Variants in SAMD12 observed in about 807,000 individuals in gnomAD.
The protein encoded by SAMD12 is sterile alpha motif domain-containing protein 12.
In SAMD12, 9 loss-of-function variants were observed where a neutral mutation model predicts 15.0. The observed-to-expected ratio is 0.60, with a 90% CI of 0.36 to 1.05. The LOEUF is 1.05. Among genes scored for constraint, SAMD12 ranks in the 50% least tolerant of loss-of-function variants. SAMD12 has a pLI of 0.01. For synonymous variants in SAMD12, 86 were observed against 90.1 expected (o/e 0.96, Z 0.25); for missense variants, 230 against 234.2 (o/e 0.98, Z 0.12).
At chr8:118,447,516 G>A (rs1298243193) in intron 2 of SAMD12, among the ~76,000 whole-genome samples, 1 of 151,802 alleles carries the variant, frequency 6.6e-6, no homozygotes, top group Non-Finnish European at 1.5e-5. Flanking sequence ...TGTTGGCCAG[G>A]TTGGTCTCGA....
At chr8:118,135,862 T>C in the SAMD12 span, among the ~76,000 whole-genome samples, 1 of 152,050 alleles carries the variant, frequency 6.6e-6, no homozygotes, top group African/African-American at 2.4e-5. Context: ...AAATATTCTT[T>C]AGCTCTGCTT....
intron 4 of SAMD12, among the ~76,000 whole-genome samples, chr8:118,297,876 C>T (rs574965576): frequency 1.5e-4 from 23 of 152,014 alleles, no homozygotes; most frequent in African/African-American, 4.6e-4. Flanking sequence ...AATACAGAAA[C>T]AGAACAAGTC....
intron 4 of SAMD12, among the ~76,000 whole-genome samples, chr8:118,249,609 C>G (rs1812774964): frequency 6.6e-6 from 1 of 152,100 alleles, no homozygotes; most frequent in Non-Finnish European, 1.5e-5. Flanking sequence ...TTTATATACC[C>G]TATACAATAG....
At chr8:118,200,714 C>A (rs1819691353) in intron 4 of SAMD12, among the ~76,000 whole-genome samples, 3 of 152,206 alleles carry the variant, frequency 2.0e-5, no homozygotes, top group Non-Finnish European at 4.4e-5. Context: ...GAATGGGTCA[C>A]CATGCTGAGA....
rs541807688 is a variant in SAMD12 at position 118,588,832 on chromosome 8, C to G, written c.14-7939G>C. Among the ~76,000 whole-genome samples the G allele has an allele frequency of 2.0e-5, 3 of 152,284 alleles. No homozygotes were observed. The South Asian group carries it at 6.2e-4, about 32-fold the overall frequency. ...TTATTCTGTACTTCCCCACTCCCAG[C>G]TAATTTAAATGAGCTAAATTATGCT... On this transcript the variant is annotated intron_variant, in intron 1 of 3. Coordinates refer to ENST00000314727, the MANE Select transcript of SAMD12 (RefSeq NM_207506.3).
chr8:118,453,631 C>T (rs139864726), intron 2 of SAMD12, among the ~76,000 whole-genome samples: 44 of 152,200 alleles, frequency 2.9e-4, no homozygotes, highest in Middle Eastern at 3.4e-3. Flanking sequence ...AATGGTCCTC[C>T]TATCTCAGCC....
At chr8:118,347,651 T>C (rs1469791214) in intron 4 of SAMD12, among the ~76,000 whole-genome samples, 2 of 152,224 alleles carry the variant, frequency 1.3e-5, no homozygotes, top group African/African-American at 4.8e-5. Context: ...GACTATAATA[T>C]TTTTTAAAAA....
At chr8:118,589,007 A>G (rs1827516811) in intron 1 of SAMD12, among the ~76,000 whole-genome samples, 2 of 152,238 alleles carry the variant, frequency 1.3e-5, no homozygotes, top group Non-Finnish European at 2.9e-5. Flanking sequence ...GGGGTAAAAT[A>G]TAAATGTCCA....
intron 2 of SAMD12, among the ~76,000 whole-genome samples, chr8:118,461,774 A>G (rs903162293): frequency 1.3e-5 from 2 of 152,190 alleles, no homozygotes; most frequent in Admixed American, 1.3e-4. Context: ...TTGAGTTTTC[A>G]CCTAAGAAAT....
At chr8:118,528,378 C>G (rs894149241) in intron 2 of SAMD12, among the ~76,000 whole-genome samples, 1 of 152,074 alleles carries the variant, frequency 6.6e-6, no homozygotes, top group Non-Finnish European at 1.5e-5. Flanking sequence ...AAGCTGTCTT[C>G]GTTTATAGTC....
the SAMD12 span, among the ~76,000 whole-genome samples, chr8:118,147,869 C>G: frequency 6.6e-6 from 1 of 151,844 alleles, no homozygotes; most frequent in East Asian, 1.9e-4. Context: ...TCCGACTTAG[C>G]CTCCTAAGTA....
At chr8:118,439,706 T>G in intron 3 of SAMD12, 126 bp downstream of exon 3, 2 of 838,608 alleles carry the variant, frequency 2.4e-6, no homozygotes, top group Non-Finnish European at 3.9e-6. Flanking sequence ...TATCACCCCT[T>G]TGGAAGTAAA....
chr8:118,352,007 T>C (rs776059605), intron 4 of SAMD12, among the ~76,000 whole-genome samples: 2 of 152,210 alleles, frequency 1.3e-5, no homozygotes, highest in Admixed American at 6.5e-5. Flanking sequence ...TGAAGCCACC[T>C]TGAGTTGATT....
At chr8:118,428,968 T>C (rs948780917) in intron 3 of SAMD12, among the ~76,000 whole-genome samples, 3 of 152,230 alleles carry the variant, frequency 2.0e-5, no homozygotes, top group African/African-American at 7.2e-5. Context: ...GTGTTCATTT[T>C]ATTTTAAAAA....
intron 2 of SAMD12, among the ~76,000 whole-genome samples, chr8:118,478,260 T>C (rs1323550698): frequency 2.0e-5 from 3 of 152,210 alleles, no homozygotes; most frequent in African/African-American, 4.8e-5. Context: ...AATATTTTCT[T>C]CCATCAGAGT....
intron 4 of SAMD12, among the ~76,000 whole-genome samples, chr8:118,245,382 T>C (rs1012730670): frequency 2.6e-5 from 4 of 152,030 alleles, no homozygotes; most frequent in Non-Finnish European, 1.5e-5. Context: ...CTACCGGTAA[T>C]ATAGTCTGGA....
Position 118,372,618 on chromosome 8 carries a change from T to C in SAMD12, c.433+6942A>G, listed in dbSNP as rs116671859. Among the ~76,000 whole-genome samples, 1,326 of 152,212 alleles carry C rather than the reference T, an allele frequency of 8.7e-3. 21 individuals carry two copies. The highest frequency in any genetic ancestry group is 0.031 in the African/African-American group (1,270 of 41,542). On this transcript the variant is annotated intron_variant, in intron 4 of 4. Coordinates refer to the SAMD12 transcript ENST00000409003. ...ACTTTTTTAGTGAAATAAAAATCAG[T>C]GTTTATAATAAAAACCTATGTGTGA...
chr8:118,553,201 C>CA (rs1421314361), intron 2 of SAMD12, among the ~76,000 whole-genome samples: 13 of 151,606 alleles, frequency 8.6e-5, no homozygotes, highest in Admixed American at 4.6e-4. Flanking sequence ...CATATGGAAC[C>CA]AAAAAAAAGC....
At chr8:118,151,769 G>A in the SAMD12 span, among the ~76,000 whole-genome samples, 1 of 151,302 alleles carries the variant, frequency 6.6e-6, no homozygotes, top group African/African-American at 2.4e-5. Context: ...AGCAGAGCTT[G>A]CAGTGAGCTG....
Sources: allele counts gnomAD v4.1 joint callset (sites outside exome capture counted in the v4.1 genomes callset), GRCh38; gene constraint gnomAD v4.1.1; transcripts MANE v1.5; gene names NCBI Gene and HGNC (gene_info 2026-07-23, HGNC 2026-07-21).